The following LPP variants were observed in gnomAD, a reference collection of about 807,000 sequenced individuals.
LPP encodes LIM domain containing preferred translocation partner in lipoma.
Under a neutral mutation model 60.4 loss-of-function variants are expected in LPP, and 38 were observed. That is an observed-to-expected ratio of 0.63 (90% CI 0.49 to 0.83). The LOEUF is 0.83. LPP is among the 40% of genes least tolerant of loss of function. LPP has a pLI of 0.00. For synonymous variants in LPP, 328 were observed against 290.8 expected (o/e 1.13, Z -1.30); for missense variants, 902 against 783.6 (o/e 1.15, Z -1.80).
intron 4 of LPP, among the ~76,000 whole-genome samples, chr3:188,452,867 T>C (rs1796907023): frequency 6.6e-6 from 1 of 152,204 alleles, no homozygotes; most frequent in South Asian, 2.1e-4. Flanking sequence ...GTATTCCCTC[T>C]TTAAATCTTT....
Position 188,415,444 on chromosome 3 carries a change from A to G in LPP, c.193+9131A>G, listed in dbSNP as rs556030875. ...AAATATACCCTTTGGCATTTAATCC[A>G]GAGAATCAAAATGTTATGTTCACGA... is the stretch of plus-strand genomic sequence containing the variant. On this transcript the variant is annotated intron_variant, in intron 4 of 11. Transcript: ENST00000617246. Among the ~76,000 whole-genome samples, 4 of 152,262 alleles carry G rather than the reference A, an allele frequency of 2.6e-5. 1 individual carries two copies. In the South Asian group the frequency reaches 8.3e-4, roughly 32 times the overall value.
intron 2 of LPP, among the ~76,000 whole-genome samples, chr3:188,279,989 CTG>C (rs1451806717): frequency 6.6e-6 from 1 of 152,170 alleles, no homozygotes; most frequent in East Asian, 1.9e-4. Context: ...TACCTTCACC[CTG>C]TGTTGTTCTC....
At chr3:188,708,593 T>C in intron 8 of LPP, 200 bp downstream of exon 8, 1 of 666,682 alleles carries the variant, frequency 1.5e-6, no homozygotes. Context: ...ACTTAGCTTA[T>C]ACTAAAATTT....
chr3:188,171,008 T>G (rs79419239), intron 1 of LPP, among the ~76,000 whole-genome samples: 3,961 of 152,282 alleles, frequency 0.026, 68 homozygotes, highest in Non-Finnish European at 0.04. Context: ...CCTTCCTTGT[T>G]TTTCATATCT....
chr3:188,510,394 T>C (rs1815102138), intron 5 of LPP, among the ~76,000 whole-genome samples: 1 of 152,226 alleles, frequency 6.6e-6, no homozygotes, highest in Non-Finnish European at 1.5e-5. Context: ...AGTAGCTTTC[T>C]GATACGGTCT....
At position 188,888,106 on chromosome 3, in the gene LPP, T is replaced by C. The variant is rs1770882561; in HGVS notation, c.*13627T>C. ...TACAGTTGGATGTAGCGTTGAGCTT[T>C]TGCATGTTTTCTGTATAATAAACCA... On this transcript the variant is annotated 3_prime_UTR_variant, in exon 12 of 12. Transcript: ENST00000617246. The C allele has an allele frequency of 4.5e-6, 1 of 220,290 alleles. No individual in the cohort carries two copies. Among genetic ancestry groups the C allele is most frequent in the Non-Finnish European group, 9.1e-6 (1 of 109,918 alleles). The allele number at this position is 220,290 out of a possible 1,614,324, so 13.6% of individuals were successfully genotyped here. A position where few individuals can be genotyped will look rare whatever the true frequency, so the allele number is the denominator to read the frequency against.
At chr3:188,171,406 C>T (rs1444013510) in intron 1 of LPP, among the ~76,000 whole-genome samples, 1 of 152,202 alleles carries the variant, frequency 6.6e-6, no homozygotes, top group Non-Finnish European at 1.5e-5. Flanking sequence ...TGTCTACACC[C>T]TCAATGCTGT....
chr3:188,162,370 A>T (rs374280451), intron 1 of LPP, among the ~76,000 whole-genome samples: 1 of 152,116 alleles, frequency 6.6e-6, no homozygotes, highest in Non-Finnish European at 1.5e-5. Context: ...TTGTTCCTTA[A>T]CTTTTGCAAA....
chr3:188,581,391 C>T (rs761239511), intron 6 of LPP, among the ~76,000 whole-genome samples: 20 of 152,160 alleles, frequency 1.3e-4, no homozygotes, highest in Non-Finnish European at 2.8e-4. Context: ...GTGGGTCAGA[C>T]AGTCTTTTGT....
chr3:188,863,303 A>G (rs1346631199), intron 9 of LPP, among the ~76,000 whole-genome samples: 1 of 152,238 alleles, frequency 6.6e-6, no homozygotes, highest in Non-Finnish European at 1.5e-5. Flanking sequence ...TGACAAAGCC[A>G]GAAGGATAAT....
chr3:188,318,736 G>GA (rs995101097), intron 2 of LPP, among the ~76,000 whole-genome samples: 3 of 139,176 alleles, frequency 2.2e-5, no homozygotes, highest in African/African-American at 2.6e-5. Context: ...GGAAAAAATT[G>GA]AAAAAAAATT....
At chr3:188,225,600 T>C (rs535656447) in intron 2 of LPP, 73 bp downstream of exon 2, 3 of 152,368 alleles carry the variant, frequency 2.0e-5, no homozygotes, top group East Asian at 3.9e-4. Context: ...GTTTTAAACA[T>C]CAGTGTTTTC....
chr3:188,734,554 CAA>C (rs1206580845), intron 8 of LPP, among the ~76,000 whole-genome samples: 1 of 152,208 alleles, frequency 6.6e-6, no homozygotes, highest in Non-Finnish European at 1.5e-5. Flanking sequence ...CAGGGAGCAA[CAA>C]AGAGTTGTCT....
rs146143744 is a variant in LPP, at chr3:188,580,993, T to G, written c.430-28168T>G. Among the ~76,000 whole-genome samples the G allele has an allele frequency of 3.3e-3, 500 of 152,222 alleles. 3 individuals are homozygous for G. Among genetic ancestry groups the G allele is most frequent in the African/African-American group, 0.011 (475 of 41,522 alleles). ...CTCAACCAGGTTATCTAGTGTACTC[T>G]TCATTACTTAAAAATCAACTGATTA... On this transcript the variant is annotated intron_variant, in intron 6 of 11. Transcript: ENST00000617246.
chr3:188,413,268 A>G (rs1240101433), intron 4 of LPP, among the ~76,000 whole-genome samples: 3 of 152,046 alleles, frequency 2.0e-5, no homozygotes, highest in African/African-American at 7.2e-5. Context: ...CTGGAGTCTT[A>G]TTGTCCTTTT....
At chr3:188,815,250 G>A (rs1389210143) in intron 9 of LPP, among the ~76,000 whole-genome samples, 1 of 152,102 alleles carries the variant, frequency 6.6e-6, no homozygotes, top group African/African-American at 2.4e-5. Flanking sequence ...TTATATTGAA[G>A]CCAGCTCCTA....
intron 6 of LPP, among the ~76,000 whole-genome samples, chr3:188,531,494 T>G (rs1029265974): frequency 6.6e-6 from 1 of 152,158 alleles, no homozygotes; most frequent in Non-Finnish European, 1.5e-5. Flanking sequence ...GATTTGAAGC[T>G]TGGAAGTTTA....
chr3:188,573,870 G>A (rs1040935568), intron 6 of LPP, among the ~76,000 whole-genome samples: 1 of 152,086 alleles, frequency 6.6e-6, no homozygotes, highest in Non-Finnish European at 1.5e-5. Flanking sequence ...GTTTAGACAA[G>A]TTTGCAAGTG....
rs556455107 is a variant in LPP at position 188,297,399 on chromosome 3, C to T, written c.-66-44264C>T. Among the ~76,000 whole-genome samples the T allele has an allele frequency of 5.3e-5, 8 of 152,204 alleles. No homozygotes were observed. The South Asian group carries it at 6.2e-4, about 12-fold the overall frequency. On this transcript the variant is annotated intron_variant, in intron 2 of 11. Coordinates refer to ENST00000617246, the MANE Select transcript of LPP (RefSeq NM_001375462.1). ...TTCCAAGGGGTAAAGACATAAATTC[C>T]GTAATACTACAATAGATGGGAGGCT... is the stretch of plus-strand genomic sequence containing the variant.
Sources: gnomAD v4.1 joint callset for allele counts (sites outside exome capture counted in the v4.1 genomes callset) on GRCh38, gnomAD v4.1.1 for gene constraint, MANE v1.5 for transcripts, NCBI Gene and HGNC (gene_info 2026-07-23, HGNC 2026-07-21) for gene names.